The following WFDC8 variants were observed in gnomAD, a reference collection of about 807,000 sequenced individuals.
WFDC8 encodes WAP four-disulfide core domain protein 8.
Under a neutral mutation model 27.0 loss-of-function variants are expected in WFDC8, and 24 were observed. That is an observed-to-expected ratio of 0.89 (90% CI 0.64 to 1.25). The LOEUF (loss-of-function observed/expected upper bound fraction) is 1.25, where lower values mean the gene tolerates loss of function less well. Among genes scored for constraint, WFDC8 ranks in the 50% most tolerant of loss-of-function variants. The pLI, the probability that WFDC8 is intolerant of heterozygous loss-of-function variation, is 0.00. For missense variants in WFDC8, 287 were observed against 295.9 expected, an observed-to-expected ratio of 0.97 and a Z score of 0.22; for synonymous variants, 106 against 99.7, an observed-to-expected ratio of 1.06 and a Z score of -0.38.
intron 1 of WFDC8, chr20:45,568,604 A>T (rs1256525019): frequency 1.9e-6 from 1 of 526,058 alleles, no homozygotes; most frequent in Non-Finnish European, 3.9e-6. Context: ...ATAGCTTTAT[A>T]TTCCTGAATT....
At chr20:45,571,447 A>G (rs1980865878) in intron 1 of WFDC8, among the ~76,000 whole-genome samples, 1 of 152,248 alleles carries the variant, frequency 6.6e-6, no homozygotes, top group South Asian at 2.1e-4. Context: ...CAGGGTAATT[A>G]ACACATCCAT....
At chr20:45,564,767 A>G (rs901347489) in intron 1 of WFDC8, among the ~76,000 whole-genome samples, 2 of 151,500 alleles carry the variant, frequency 1.3e-5, no homozygotes, top group African/African-American at 4.9e-5. Flanking sequence ...ACTTGAGCCC[A>G]GGAAGTCAGT....
At chr20:45,571,268 T>G (rs1412952656) in intron 1 of WFDC8, among the ~76,000 whole-genome samples, 1 of 152,180 alleles carries the variant, frequency 6.6e-6, no homozygotes, top group Non-Finnish European at 1.5e-5. Context: ...TCATTTCTCA[T>G]TTCCTATAAT....
rs948480057 is a variant in WFDC8, at chr20:45,576,404, CT to C, written c.26+2817del. On this transcript the variant is annotated intron_variant, in intron 1 of 5. Transcript: ENST00000289953. ...AGATAAAACTTCGTCTTAGAGTTTT[CT>C]TTTTTTTTTTCAGACAGTCTCTCAC... Among the ~76,000 whole-genome samples, 824 of 144,942 alleles carry C rather than the reference CT, an allele frequency of 5.7e-3. 18 individuals are homozygous for C. Among genetic ancestry groups the C allele is most frequent in the African/African-American group, 0.019 (766 of 40,108 alleles).
chr20:45,552,062 T>C lies in WFDC8; in HGVS notation c.690A>G (p.Ser230=), dbSNP rs141997695. 1 of 1,614,012 alleles carries C rather than the reference T, an allele frequency of 6.2e-7. No homozygotes were observed. Among genetic ancestry groups the C allele is most frequent in the African/African-American group, 1.3e-5 (1 of 74,942 alleles). The part of the protein sequence containing the change: ...EECPLVEKCC[S]HCGLKCMDPR... Reference sequence around the variant, plus strand: ...GGTCCATACATTTCAGTCCACAATGTGAGCAGCACTTTTCCACCAATGGGC... The same window carrying C: ...GGTCCATACATTTCAGTCCACAATGCGAGCAGCACTTTTCCACCAATGGGC... Residue 230 remains serine (S), a synonymous_variant, in exon 6 of 6, where the codon TCA becomes TCG. Coordinates refer to ENST00000289953, the MANE Select transcript of WFDC8 (RefSeq NM_130896.3).
intron 1 of WFDC8, 94 bp downstream of exon 1, chr20:45,579,128 C>T (rs1981147107): frequency 4.6e-6 from 6 of 1,298,076 alleles, no homozygotes; most frequent in Non-Finnish European, 6.6e-6. Flanking sequence ...CAACTCCCCA[C>T]AGCCGACCAC....
Position 45,558,871 on chromosome 20 carries a change from C to T in WFDC8, c.258G>A (p.Lys86=). 1 of 1,614,170 alleles carries T rather than the reference C, an allele frequency of 6.2e-7. No individual in the cohort carries two copies. Among genetic ancestry groups the T allele is most frequent in the Non-Finnish European group, 8.5e-7 (1 of 1,180,018 alleles). The change falls in exon 3 of 6, where the codon AAG becomes AAA. Residue 86 remains lysine, a synonymous_variant. Transcript: ENST00000289953. ...QKCCFFACQK[K]CMDPFQEPCM... ...CGCTACCTTGAAAGGGATCCATGCACTTCTTCTGACAGGCAAAAAAGCAGC... is the reference window on the plus strand; with the variant it reads ...CGCTACCTTGAAAGGGATCCATGCATTTCTTCTGACAGGCAAAAAAGCAGC...
intron 1 of WFDC8, among the ~76,000 whole-genome samples, chr20:45,573,331 C>T (rs1980934219): frequency 6.6e-6 from 1 of 152,032 alleles, no homozygotes; most frequent in South Asian, 2.1e-4. Context: ...GCTTTTGGGG[C>T]ACAAATGGTT....
At chr20:45,554,750 C>T (rs894312176) in intron 4 of WFDC8, among the ~76,000 whole-genome samples, 29 of 152,164 alleles carry the variant, frequency 1.9e-4, no homozygotes, top group African/African-American at 6.5e-4. Context: ...CAAGTCAGGT[C>T]CCAGGGTTGC....
At chr20:45,556,742 AT>A (rs1980271425) in intron 3 of WFDC8, among the ~76,000 whole-genome samples, 1 of 152,214 alleles carries the variant, frequency 6.6e-6, no homozygotes. Flanking sequence ...AATTAAAAAA[AT>A]ATATATTGTT....
intron 5 of WFDC8, among the ~76,000 whole-genome samples, chr20:45,552,507 T>C (rs1276832779): frequency 6.6e-6 from 1 of 152,176 alleles, no homozygotes; most frequent in East Asian, 1.9e-4. Flanking sequence ...TTGTAGGCAT[T>C]GAGGCGTATT....
At chr20:45,561,282 A>G (rs1980459811) in intron 2 of WFDC8, among the ~76,000 whole-genome samples, 1 of 152,062 alleles carries the variant, frequency 6.6e-6, no homozygotes, top group East Asian at 1.9e-4. Context: ...GATCCCAACT[A>G]TGATTCCCAT....
At chr20:45,577,468 G>A (rs1441632936) in intron 1 of WFDC8, among the ~76,000 whole-genome samples, 3 of 149,506 alleles carry the variant, frequency 2.0e-5, no homozygotes, top group African/African-American at 7.3e-5. Context: ...GTGCGATCTC[G>A]GCTCGCTGCA....
chr20:45,572,335 T>TGCA (rs1197697553), intron 1 of WFDC8, among the ~76,000 whole-genome samples: 1 of 144,084 alleles, frequency 6.9e-6, no homozygotes, highest in East Asian at 2.1e-4. Flanking sequence ...AGGTGGAGCT[T>TGCA]GCAGTGAGCC....
intron 4 of WFDC8, among the ~76,000 whole-genome samples, chr20:45,554,868 A>G (rs1376314687): frequency 1.3e-5 from 2 of 152,224 alleles, no homozygotes; most frequent in African/African-American, 2.4e-5. Flanking sequence ...GTGTTCTCCC[A>G]TCTGTAAAGT....
chr20:45,553,150 G>A lies in WFDC8; in HGVS notation c.572C>T (p.Ala191Val), dbSNP rs372043394. The change falls in exon 5 of 6, where the codon GCC becomes GTC. Residue 191 changes from alanine (A) to valine (V), a missense_variant. Ala to Val is a moderately conservative substitution (Grantham distance 64). Coordinates refer to ENST00000289953, the MANE Select transcript of WFDC8 (RefSeq NM_130896.3). ...CCAATCCTTACCTGTCCAGGCCCTGGCACAAACAAAGCCACACCTGGATTC... is the reference window on the plus strand; with the variant it reads ...CCAATCCTTACCTGTCCAGGCCCTGACACAAACAAAGCCACACCTGGATTC... ...CCESRCGFVC[A>V]RAWTVKKGFC... 7 of 1,612,720 alleles carry A rather than the reference G, an allele frequency of 4.3e-6. No homozygotes were observed. In the African/African-American group the frequency reaches 8.0e-5, roughly 18 times the overall value.
intron 1 of WFDC8, among the ~76,000 whole-genome samples, chr20:45,573,461 T>G (rs567878738): frequency 3.3e-5 from 5 of 152,168 alleles, no homozygotes; most frequent in Non-Finnish European, 7.4e-5. Flanking sequence ...CCTCCTACAC[T>G]CCGCCCTTCT....
intron 3 of WFDC8, among the ~76,000 whole-genome samples, chr20:45,558,550 T>A (rs1488952054): frequency 6.6e-6 from 1 of 152,248 alleles, no homozygotes; most frequent in Non-Finnish European, 1.5e-5. Context: ...GCATTTAAGC[T>A]GACTGAGGTT....
chr20:45,566,760 G>T, intron 1 of WFDC8, among the ~76,000 whole-genome samples: 1 of 152,194 alleles, frequency 6.6e-6, no homozygotes, highest in East Asian at 1.9e-4. Flanking sequence ...CAAGGCAATA[G>T]TTGACAAAAA....
Sources: allele counts gnomAD v4.1 joint callset (sites outside exome capture counted in the v4.1 genomes callset), GRCh38; gene constraint gnomAD v4.1.1; transcripts MANE v1.5; gene names NCBI Gene and HGNC (gene_info 2026-07-23, HGNC 2026-07-21).